SORCS2: variants seen among roughly 807,000 people sequenced by gnomAD.
SORCS2 encodes VPS10 domain-containing receptor SorCS2.
SORCS2 carries 100 observed loss-of-function variants against 141.6 expected under a neutral mutation model. That is an observed-to-expected ratio of 0.71 (90% CI 0.60 to 0.83). SORCS2 has a LOEUF of 0.83. Ranked by LOEUF, SORCS2 falls within the 40% of genes least tolerant of loss-of-function variation. The pLI is 0.00. For synonymous variants in SORCS2, 789 were observed against 676.9 expected, an observed-to-expected ratio of 1.17 and a Z score of -2.57; for missense variants, 1,646 against 1,560.2, an observed-to-expected ratio of 1.05 and a Z score of -0.93.
intron 26 of SORCS2, 134 bp from the exon 27 acceptor site, chr4:7,740,066 G>A (rs1160173946): frequency 1.7e-5 from 12 of 702,490 alleles, no homozygotes; most frequent in East Asian, 5.5e-5. Context: ...GCACCTGCAC[G>A]GGCTGAAGGA....
At chr4:7,697,049 C>T in intron 11 of SORCS2, 149 bp from the exon 12 acceptor site, 2 of 644,224 alleles carry the variant, frequency 3.1e-6, no homozygotes, top group Admixed American at 2.7e-5. Flanking sequence ...ACCCAGGGCC[C>T]CAGCGCAGCA....
chr4:7,338,524 T>C (rs1720166041), intron 1 of SORCS2, among the ~76,000 whole-genome samples: 1 of 152,048 alleles, frequency 6.6e-6, no homozygotes, highest in African/African-American at 2.4e-5. Context: ...TCTCTCTGTA[T>C]TGGTGGGCAA....
At chr4:7,498,146 G>A (rs184267056) in intron 2 of SORCS2, among the ~76,000 whole-genome samples, 64 of 152,320 alleles carry the variant, frequency 4.2e-4, no homozygotes, top group African/African-American at 1.5e-3. Context: ...GTCCTGGAAA[G>A]GGAAGGATTG....
chr4:7,426,124 A>G (rs1482097790), intron 2 of SORCS2, among the ~76,000 whole-genome samples: 4 of 152,168 alleles, frequency 2.6e-5, no homozygotes, highest in Admixed American at 2.0e-4. Flanking sequence ...AAACAGATGC[A>G]CTCACAAGGC....
chr4:7,224,704 G>A lies in SORCS2; in HGVS notation c.480+31578G>A, dbSNP rs145710274. On this transcript the variant is annotated intron_variant, in intron 1 of 26. Coordinates refer to ENST00000507866, the MANE Select transcript of SORCS2 (RefSeq NM_020777.3). ...CACTGGGGAATACAGTGAGGCTTGG[G>A]TGGGGACAGAGTCAAACCATATCAA... Among the ~76,000 whole-genome samples, 834 of 152,322 alleles carry A rather than the reference G, an allele frequency of 5.5e-3. 8 individuals carry two copies. Among genetic ancestry groups the A allele is most frequent in the African/African-American group, 0.019 (780 of 41,570 alleles).
chr4:7,328,018 C>CT (rs60976971), intron 1 of SORCS2, among the ~76,000 whole-genome samples: 9,907 of 87,712 alleles, frequency 0.11, 1,518 homozygotes, highest in Non-Finnish European at 0.14. Context: ...TCGTGCTAGG[C>CT]TTTTTTTTTT....
At chr4:7,490,982 G>T (rs117519023) in intron 2 of SORCS2, among the ~76,000 whole-genome samples, 2 of 152,118 alleles carry the variant, frequency 1.3e-5, no homozygotes, top group African/African-American at 4.8e-5. Context: ...GCTGCCCAGC[G>T]GCTGGTCTCG....
At position 7,286,087 on chromosome 4, in the gene SORCS2, G is replaced by A. The variant is rs1198971232; in HGVS notation, c.480+92961G>A. Among the ~76,000 whole-genome samples, 3 of 152,182 alleles carry A rather than the reference G, an allele frequency of 2.0e-5. No homozygotes were observed. Among genetic ancestry groups the A allele is most frequent in the Non-Finnish European group, 2.9e-5 (2 of 68,028 alleles). Reference sequence around the variant, plus strand: ...ATCCATCTTCCCGGTGCCTCTTTGTGGTGGGTGTAACTGTCAGCATCCTTG... The same window carrying A: ...ATCCATCTTCCCGGTGCCTCTTTGTAGTGGGTGTAACTGTCAGCATCCTTG... On this transcript the variant is annotated intron_variant, in intron 1 of 26. Coordinates refer to ENST00000507866, the MANE Select transcript of SORCS2 (RefSeq NM_020777.3). The surrounding 1 kb of genome is among the most constrained non-coding windows in gnomAD (Gnocchi z 4.1).
rs570590682 is a variant in SORCS2, at chr4:7,674,500, G to A, written c.1162-1550G>A. The stretch of plus-strand genomic sequence containing the variant: ...AGGCAGGAGAATGGTGTGAACCCGG[G>A]GGGGCAGAGCTTGCAGTGAGCTGAG... On this transcript the variant is annotated intron_variant, in intron 8 of 26. Transcript: ENST00000507866. 1.3e-4 allele frequency among the ~76,000 whole-genome samples: 19 copies of A among 151,400 alleles called. No individual in the cohort carries two copies. The South Asian group carries it at 2.1e-3, about 17-fold the overall frequency.
intron 12 of SORCS2, among the ~76,000 whole-genome samples, chr4:7,699,956 A>T (rs1724955582): frequency 6.6e-6 from 1 of 152,136 alleles, no homozygotes; most frequent in Admixed American, 6.5e-5. Flanking sequence ...GAATCTTCTG[A>T]AAGGGAATGT....
chr4:7,453,677 A>T, intron 2 of SORCS2, among the ~76,000 whole-genome samples: 1 of 109,872 alleles, frequency 9.1e-6, no homozygotes, highest in African/African-American at 3.8e-5. Flanking sequence ...TGTTGGGTTC[A>T]GGTGCTGTGT....
rs558743946 is a variant in SORCS2, at chr4:7,653,093, A to C, written c.814-1041A>C. Among the ~76,000 whole-genome samples, 101 of 152,176 alleles carry C rather than the reference A, an allele frequency of 6.6e-4. 1 individual carries two copies. The highest frequency in any genetic ancestry group is 1.2e-3 in the Non-Finnish European group (83 of 68,038). ...ACCCTGGCACTCACCAGGGACAAGGACAGTGGTGGTCACTGTGTGGAGACA... is the reference window on the plus strand; with the variant it reads ...ACCCTGGCACTCACCAGGGACAAGGCCAGTGGTGGTCACTGTGTGGAGACA... On this transcript the variant is annotated intron_variant, in intron 4 of 26. Transcript: ENST00000507866.
chr4:7,688,606 C>T (rs1430538392), intron 10 of SORCS2, among the ~76,000 whole-genome samples: 3 of 152,136 alleles, frequency 2.0e-5, no homozygotes, highest in Non-Finnish European at 2.9e-5. Context: ...TTTCATAAGG[C>T]CACACTGCCA....
intron 1 of SORCS2, among the ~76,000 whole-genome samples, chr4:7,385,314 A>G (rs2109079042): frequency 6.6e-6 from 1 of 152,356 alleles, no homozygotes; most frequent in South Asian, 2.1e-4. Context: ...GTGTCTTTGA[A>G]ATGGAATTGA....
chr4:7,295,362 A>G (rs1275982909), intron 1 of SORCS2, among the ~76,000 whole-genome samples: 2 of 151,614 alleles, frequency 1.3e-5, no homozygotes, highest in African/African-American at 4.8e-5. Flanking sequence ...GGACCGCAGC[A>G]GGCAGCACCC....
intron 1 of SORCS2, among the ~76,000 whole-genome samples, chr4:7,257,134 G>T (rs939928915): frequency 1.0e-4 from 15 of 148,458 alleles, no homozygotes; most frequent in Non-Finnish European, 2.1e-4. Flanking sequence ...GTGAATCTTG[G>T]CCGGGCTCCC....
chr4:7,466,646 G>A (rs528832073), intron 2 of SORCS2, among the ~76,000 whole-genome samples: 82 of 152,324 alleles, frequency 5.4e-4, no homozygotes, highest in Non-Finnish European at 8.7e-4. Context: ...GGCCCAGGCA[G>A]TAGCTGGTGA....
chr4:7,335,226 T>G (rs1350160635), intron 1 of SORCS2, among the ~76,000 whole-genome samples: 1 of 152,210 alleles, frequency 6.6e-6, no homozygotes, highest in Non-Finnish European at 1.5e-5. Context: ...AGTTTTCACC[T>G]GTTCAATTCC....
intron 17 of SORCS2, 86 bp from the exon 18 acceptor site, chr4:7,717,926 T>C (rs1334112132): frequency 7.1e-7 from 1 of 1,399,650 alleles, no homozygotes; most frequent in Non-Finnish European, 9.4e-7. Context: ...CACCTCTGGG[T>C]GGCAAGCACG....
Sources: gnomAD v4.1 joint callset for allele counts (sites outside exome capture counted in the v4.1 genomes callset) on GRCh38, gnomAD v4.1.1 for gene constraint, Gnocchi (gnomAD v3.1) non-coding constraint, MANE v1.5 for transcripts, NCBI Gene and HGNC (gene_info 2026-07-23, HGNC 2026-07-21) for gene names.